Variants in NDUFAF2 observed in about 807,000 individuals in gnomAD.
The protein encoded by NDUFAF2 is NADH dehydrogenase [ubiquinone] 1 alpha subcomplex assembly factor 2.
NDUFAF2 carries 13 observed loss-of-function variants against 22.8 expected under a neutral mutation model. The observed-to-expected ratio is 0.57, with a 90% CI of 0.37 to 0.91. The LOEUF (loss-of-function observed/expected upper bound fraction) is 0.91. Ranked by LOEUF, NDUFAF2 falls within the 40% of genes least tolerant of loss-of-function variation. The probability of loss-of-function intolerance (pLI) is 0.01; values close to 1 mark genes in which losing one functional copy is unlikely to be tolerated. For synonymous variants in NDUFAF2, 53 were observed against 64.2 expected (o/e 0.83, Z 0.84); for missense variants, 162 against 195.2 (o/e 0.83, Z 1.01).
chr5:61,115,298 C>T (rs968897158), intron 3 of NDUFAF2: 3 of 152,392 alleles, frequency 2.0e-5, no homozygotes, highest in African/African-American at 7.2e-5. Context: ...CTAGGACTCT[C>T]CCTTCAGGGC....
chr5:61,014,321 T>A (rs991503573), intron 1 of NDUFAF2, among the ~76,000 whole-genome samples: 2 of 152,190 alleles, frequency 1.3e-5, no homozygotes, highest in African/African-American at 2.4e-5. Flanking sequence ...TGAACACATC[T>A]ACATGCCAGG....
intron 1 of NDUFAF2, among the ~76,000 whole-genome samples, chr5:60,962,239 C>T (rs1236255842): frequency 1.3e-5 from 2 of 151,404 alleles, no homozygotes; most frequent in African/African-American, 2.4e-5. Context: ...TATGATAGCA[C>T]AATATGACAT....
chr5:61,092,798 G>A (rs140242197), intron 2 of NDUFAF2, among the ~76,000 whole-genome samples: 1 of 152,206 alleles, frequency 6.6e-6, no homozygotes, highest in Non-Finnish European at 1.5e-5. Flanking sequence ...ACTTTTCAAG[G>A]GAATTGTATT....
intron 3 of NDUFAF2, among the ~76,000 whole-genome samples, chr5:61,118,132 CT>C (rs1355116440): frequency 6.6e-6 from 1 of 152,170 alleles, no homozygotes; most frequent in East Asian, 1.9e-4. Context: ...TCAAAATCAT[CT>C]GTCTCCCACT....
intron 1 of NDUFAF2, among the ~76,000 whole-genome samples, chr5:60,954,338 A>T (rs1750586623): frequency 6.6e-6 from 1 of 152,140 alleles, no homozygotes; most frequent in Non-Finnish European, 1.5e-5. Context: ...ATAATTAGGG[A>T]TCAGTAGATG....
At position 61,032,749 on chromosome 5, in the gene NDUFAF2, C is replaced by A. The variant is rs139467504; in HGVS notation, c.128-40376C>A. 7.7e-3 allele frequency among the ~76,000 whole-genome samples: 1,165 copies of A among 152,068 alleles called. 14 individuals carry two copies. Among genetic ancestry groups the A allele is most frequent in the African/African-American group, 0.026 (1,090 of 41,480 alleles). ...ATGTGAACTTTAAAGTAGTTTTTTC[C>A]AATTCTGTGAAGAAAGTCAATGGTA... On this transcript the variant is annotated intron_variant, in intron 1 of 3. Transcript: ENST00000296597.
chr5:60,999,915 G>C (rs1357115552), intron 1 of NDUFAF2, among the ~76,000 whole-genome samples: 1 of 151,974 alleles, frequency 6.6e-6, no homozygotes, highest in Non-Finnish European at 1.5e-5. Context: ...TTTGTTGTTT[G>C]TGTTTGTTTT....
intron 2 of NDUFAF2, among the ~76,000 whole-genome samples, chr5:61,076,282 G>T (rs7717284): frequency 0.033 from 4,961 of 152,152 alleles, 294 homozygotes; most frequent in African/African-American, 0.11. Context: ...CACCATGTTA[G>T]CTAGGATGGT....
At chr5:60,993,246 C>T (rs765844368) in intron 1 of NDUFAF2, among the ~76,000 whole-genome samples, 11 of 152,226 alleles carry the variant, frequency 7.2e-5, no homozygotes, top group Admixed American at 6.5e-5. Flanking sequence ...CACTGGGGAA[C>T]GTGGTGTCGC....
chr5:61,091,154 G>T (rs1752564245), intron 2 of NDUFAF2, among the ~76,000 whole-genome samples: 1 of 152,138 alleles, frequency 6.6e-6, no homozygotes, highest in Admixed American at 6.5e-5. Flanking sequence ...ACATACACAT[G>T]CATGTGTGTT....
At chr5:61,042,878 C>T (rs1408735022) in intron 1 of NDUFAF2, among the ~76,000 whole-genome samples, 3 of 152,168 alleles carry the variant, frequency 2.0e-5, no homozygotes, top group African/African-American at 7.2e-5. Context: ...GCTATGATTC[C>T]ACCTACATGA....
At chr5:61,036,018 T>A (rs1351183239) in intron 1 of NDUFAF2, among the ~76,000 whole-genome samples, 1 of 152,220 alleles carries the variant, frequency 6.6e-6, no homozygotes, top group Non-Finnish European at 1.5e-5. Context: ...TTGTTTGTTT[T>A]TTAATCGAGT....
At chr5:60,972,372 A>G (rs1398546885) in intron 1 of NDUFAF2, among the ~76,000 whole-genome samples, 1 of 151,996 alleles carries the variant, frequency 6.6e-6, no homozygotes, top group Non-Finnish European at 1.5e-5. Flanking sequence ...TAGTTGAATC[A>G]CGGGGGTGGT....
At chr5:60,959,914 G>A (rs573128613) in intron 1 of NDUFAF2, among the ~76,000 whole-genome samples, 5 of 152,078 alleles carry the variant, frequency 3.3e-5, no homozygotes, top group Admixed American at 3.3e-4. Context: ...TTGTTGAGGG[G>A]AAACAAAAAC....
intron 1 of NDUFAF2, among the ~76,000 whole-genome samples, chr5:61,058,400 G>T (rs1752124931): frequency 6.6e-6 from 1 of 151,850 alleles, no homozygotes; most frequent in South Asian, 2.1e-4. Flanking sequence ...AATTTTGAAA[G>T]AAAATACTCT....
At chr5:60,988,527 T>C (rs1015975952) in intron 1 of NDUFAF2, among the ~76,000 whole-genome samples, 2 of 152,154 alleles carry the variant, frequency 1.3e-5, no homozygotes, top group African/African-American at 2.4e-5. Context: ...GACTTCAAAC[T>C]ACACCCACAG....
chr5:61,099,297 A>T (rs1752678699), intron 3 of NDUFAF2, among the ~76,000 whole-genome samples: 1 of 151,464 alleles, frequency 6.6e-6, no homozygotes, highest in Non-Finnish European at 1.5e-5. Context: ...CAAAATTAAA[A>T]CACTCTGTAG....
chr5:61,127,433 C>T (rs1753051451), intron 3 of NDUFAF2, among the ~76,000 whole-genome samples: 1 of 152,092 alleles, frequency 6.6e-6, no homozygotes. Context: ...AAAAGCTTAT[C>T]CACCATGATC....
chr5:60,989,037 G>A (rs780782243), intron 1 of NDUFAF2, among the ~76,000 whole-genome samples: 8 of 152,082 alleles, frequency 5.3e-5, no homozygotes, highest in Non-Finnish European at 1.0e-4. Context: ...TTCTGACAAA[G>A]GTCTACTATC....
Sources: allele counts gnomAD v4.1 joint callset (sites outside exome capture counted in the v4.1 genomes callset), GRCh38; gene constraint gnomAD v4.1.1; transcripts MANE v1.5; gene names NCBI Gene and HGNC (gene_info 2026-07-23, HGNC 2026-07-21).